The following TRPM3 variants were observed in gnomAD, a reference collection of about 807,000 sequenced individuals.
TRPM3 encodes the protein transient receptor potential cation channel subfamily M member 3.
In TRPM3, 77 loss-of-function variants were observed where a neutral mutation model predicts 181.2. That is an observed-to-expected ratio of 0.42 (90% confidence interval 0.35 to 0.51). The LOEUF is 0.51. Ranked by LOEUF, TRPM3 falls within the 20% of genes least tolerant of loss-of-function variation. The pLI is 0.01. For missense variants in TRPM3, 1,759 were observed against 2,196.7 expected (o/e 0.80, Z 3.98); for synonymous variants, 745 against 796.4 (o/e 0.94, Z 1.09).
chr9:71,091,889 T>C (rs960795225), intron 1 of TRPM3, among the ~76,000 whole-genome samples: 10 of 152,122 alleles, frequency 6.6e-5, no homozygotes, highest in Non-Finnish European at 1.5e-4. Flanking sequence ...TAGGAGAATT[T>C]TGTTTGGGTG....
chr9:71,406,964 T>G (rs562085419), intron 1 of TRPM3, among the ~76,000 whole-genome samples: 1 of 152,178 alleles, frequency 6.6e-6, no homozygotes. Flanking sequence ...GAAAAACTTA[T>G]GTTGAGGACA....
At chr9:70,556,733 C>T (rs4557767) in intron 22 of TRPM3, among the ~76,000 whole-genome samples, 1 of 151,998 alleles carries the variant, frequency 6.6e-6, no homozygotes, top group East Asian at 1.9e-4. Context: ...AAAACAAAAA[C>T]CCCCCTCAAA....
At chr9:71,337,594 A>T (rs1379475364) in intron 1 of TRPM3, among the ~76,000 whole-genome samples, 4 of 152,182 alleles carry the variant, frequency 2.6e-5, no homozygotes, top group Non-Finnish European at 5.9e-5. Context: ...TACCCAAAGG[A>T]TTATAAATCA....
chr9:70,757,439 A>T (rs779512841), intron 8 of TRPM3, among the ~76,000 whole-genome samples: 1 of 152,222 alleles, frequency 6.6e-6, no homozygotes, highest in South Asian at 2.1e-4. Context: ...TTCTGAATCT[A>T]TTCCAAAAAA....
intron 1 of TRPM3, among the ~76,000 whole-genome samples, chr9:70,965,060 T>C (rs1319200820): frequency 1.3e-5 from 2 of 152,040 alleles, no homozygotes; most frequent in South Asian, 4.2e-4. Flanking sequence ...CTCTCCCCCA[T>C]CTGACTTCTA....
chr9:70,741,653 A>G (rs1487361951), intron 8 of TRPM3, among the ~76,000 whole-genome samples: 1 of 152,198 alleles, frequency 6.6e-6, no homozygotes, highest in Non-Finnish European at 1.5e-5. Flanking sequence ...ATAGAAAGGA[A>G]TGGAATGATG....
chr9:71,186,529 G>T (rs1353153870), intron 1 of TRPM3, among the ~76,000 whole-genome samples: 3 of 151,954 alleles, frequency 2.0e-5, no homozygotes, highest in Non-Finnish European at 4.4e-5. Flanking sequence ...CATTTAGTTT[G>T]TGAATTTGCC....
At chr9:71,123,064 AG>A (rs1342910188), upstream of TRPM3, among the ~76,000 whole-genome samples, 2 of 152,222 alleles carry the variant, frequency 1.3e-5, no homozygotes, top group African/African-American at 4.8e-5. Flanking sequence ...AGTGAGGTCC[AG>A]AGAAATTAGT....
intron 1 of TRPM3, 31 bp from the exon 2 acceptor site, chr9:70,864,542 G>GA (rs1266852909): frequency 4.4e-6 from 3 of 676,502 alleles, no homozygotes; most frequent in Non-Finnish European, 6.0e-6. Flanking sequence ...AAAAAAAAAA[G>GA]AAAAAAGAAA....
chr9:71,207,884 A>G (rs1229162505), intron 1 of TRPM3, among the ~76,000 whole-genome samples: 1 of 151,832 alleles, frequency 6.6e-6, no homozygotes, highest in Admixed American at 6.6e-5. Flanking sequence ...CTTCACTTTT[A>G]TTTTTTTCCT....
At chr9:70,957,893 C>T (rs940190390) in intron 1 of TRPM3, among the ~76,000 whole-genome samples, 1 of 152,126 alleles carries the variant, frequency 6.6e-6, no homozygotes, top group Non-Finnish European at 1.5e-5. Flanking sequence ...GTAAAACAAA[C>T]AAACAAACAA....
At chr9:71,002,020 A>C in intron 1 of TRPM3, among the ~76,000 whole-genome samples, 1 of 152,192 alleles carries the variant, frequency 6.6e-6, no homozygotes, top group Non-Finnish European at 1.5e-5. Context: ...AACTACACTT[A>C]GCAATCAGGT....
intron 1 of TRPM3, among the ~76,000 whole-genome samples, chr9:71,135,280 C>T (rs934213677): frequency 6.6e-6 from 1 of 152,136 alleles, no homozygotes; most frequent in Non-Finnish European, 1.5e-5. Flanking sequence ...CTGTCACTTC[C>T]AGTTCTGTTG....
At chr9:71,263,181 A>C (rs570627395) in intron 1 of TRPM3, among the ~76,000 whole-genome samples, 1 of 152,292 alleles carries the variant, frequency 6.6e-6, no homozygotes, top group East Asian at 1.9e-4. Context: ...ATTTGACATA[A>C]GTGCTTTCAT....
chr9:71,112,050 C>G (rs187580698), intron 1 of TRPM3, among the ~76,000 whole-genome samples: 41 of 152,146 alleles, frequency 2.7e-4, no homozygotes, highest in Non-Finnish European at 4.9e-4. Context: ...TCATATTTAC[C>G]TTCAAACGGA....
chr9:70,831,534 T>C (rs926237372), intron 5 of TRPM3, among the ~76,000 whole-genome samples: 1 of 152,036 alleles, frequency 6.6e-6, no homozygotes, highest in Non-Finnish European at 1.5e-5. Context: ...GCAGCATCCA[T>C]TGCATGTAAT....
At chr9:70,823,708 C>T (rs562390174) in intron 6 of TRPM3, among the ~76,000 whole-genome samples, 1 of 152,300 alleles carries the variant, frequency 6.6e-6, no homozygotes, top group African/African-American at 2.4e-5. Flanking sequence ...GATGTAAGCT[C>T]AATGAATTGT....
chr9:71,077,555 A>G (rs2063640510), intron 1 of TRPM3, among the ~76,000 whole-genome samples: 2 of 152,200 alleles, frequency 1.3e-5, no homozygotes, highest in African/African-American at 2.4e-5. Flanking sequence ...TAAATGCTAT[A>G]GGCTAGAACT....
At chr9:71,209,407 G>GGA (rs3040615) in intron 1 of TRPM3, among the ~76,000 whole-genome samples, 5 of 138,246 alleles carry the variant, frequency 3.6e-5, no homozygotes, top group Admixed American at 1.5e-4. Flanking sequence ...AAGGAGGGAG[G>GGA]GAGAGAGAGA....
Sources: gnomAD v4.1 joint callset for allele counts (sites outside exome capture counted in the v4.1 genomes callset) on GRCh38, gnomAD v4.1.1 for gene constraint, MANE v1.5 for transcripts, NCBI Gene and HGNC (gene_info 2026-07-23, HGNC 2026-07-21) for gene names.